RNGTT: variants seen among roughly 807,000 people sequenced by gnomAD.
The protein encoded by RNGTT is mRNA-capping enzyme.
Under a neutral mutation model 79.3 loss-of-function variants are expected in RNGTT, and 33 were observed. That is an observed-to-expected ratio of 0.42 (90% CI 0.32 to 0.56). The LOEUF (loss-of-function observed/expected upper bound fraction) is 0.56, where lower values mean the gene tolerates loss of function less well. RNGTT is among the 20% of genes least tolerant of loss of function. RNGTT has a pLI of 0.17. For missense variants in RNGTT, 497 were observed against 739.1 expected (o/e 0.67, Z 3.80); for synonymous variants, 222 against 235.9 (o/e 0.94, Z 0.54).
chr6:88,875,196 AT>A (rs769028082), intron 8 of RNGTT, among the ~76,000 whole-genome samples: 22 of 152,178 alleles, frequency 1.4e-4, no homozygotes, highest in South Asian at 6.2e-4. Context: ...TGAAAAAAAA[AT>A]AATAGAGTTT....
intron 12 of RNGTT, among the ~76,000 whole-genome samples, chr6:88,791,245 A>G (rs1779398563): frequency 6.6e-6 from 1 of 151,498 alleles, no homozygotes. Flanking sequence ...CCCAGGCTCA[A>G]GCAATCCTCC....
intron 13 of RNGTT, among the ~76,000 whole-genome samples, chr6:88,752,292 G>C (rs1337576354): frequency 6.6e-6 from 1 of 151,970 alleles, no homozygotes; most frequent in Non-Finnish European, 1.5e-5. Flanking sequence ...TTAATAATCA[G>C]AGCTATTTAA....
chr6:88,696,613 CA>C (rs1219171943), intron 13 of RNGTT, among the ~76,000 whole-genome samples: 1 of 151,874 alleles, frequency 6.6e-6, no homozygotes, highest in Non-Finnish European at 1.5e-5. Flanking sequence ...CACACACACA[CA>C]CACACACACA....
intron 13 of RNGTT, among the ~76,000 whole-genome samples, chr6:88,701,309 C>T (rs1258203899): frequency 6.6e-6 from 1 of 152,048 alleles, no homozygotes; most frequent in Non-Finnish European, 1.5e-5. Flanking sequence ...TCATCTAACT[C>T]TTTTTCTTTG....
chr6:88,620,830 A>G (rs142679497), intron 14 of RNGTT, among the ~76,000 whole-genome samples: 6 of 152,324 alleles, frequency 3.9e-5, no homozygotes, highest in Non-Finnish European at 8.8e-5. Context: ...CACAGTTTTA[A>G]TACAGAATTC....
At chr6:88,915,300 A>G (rs1783963138) in intron 4 of RNGTT, among the ~76,000 whole-genome samples, 1 of 152,212 alleles carries the variant, frequency 6.6e-6, no homozygotes, top group Non-Finnish European at 1.5e-5. Flanking sequence ...CATTCTACCA[A>G]AAAGATACCC....
intron 8 of RNGTT, 135 bp from the exon 9 acceptor site, chr6:88,853,899 G>A (rs981561634): frequency 1.5e-5 from 7 of 459,434 alleles, no homozygotes; most frequent in Non-Finnish European, 2.3e-5. Context: ...TTATCATGTA[G>A]ATTAAAGTAT....
chr6:88,925,797 C>T (rs536698357), intron 4 of RNGTT, among the ~76,000 whole-genome samples: 9 of 152,160 alleles, frequency 5.9e-5, no homozygotes, highest in African/African-American at 1.9e-4. Context: ...CAATTGAGGA[C>T]AGGAGTTCGA....
At chr6:88,946,198 C>T (rs576129202) in intron 1 of RNGTT, among the ~76,000 whole-genome samples, 95 of 152,276 alleles carry the variant, frequency 6.2e-4, no homozygotes, top group African/African-American at 2.3e-3. Context: ...GTAATTTCCA[C>T]AATAGTTCAA....
At chr6:88,826,202 G>T (rs1315121671) in intron 11 of RNGTT, among the ~76,000 whole-genome samples, 1 of 152,052 alleles carries the variant, frequency 6.6e-6, no homozygotes, top group Admixed American at 6.6e-5. Context: ...CATCTTATTT[G>T]GTAAACAAGG....
chr6:88,856,582 T>C (rs1198635065), intron 8 of RNGTT, among the ~76,000 whole-genome samples: 2 of 152,222 alleles, frequency 1.3e-5, no homozygotes, highest in African/African-American at 4.8e-5. Flanking sequence ...GGATAGCTTC[T>C]GCATCTGCAG....
intron 12 of RNGTT, among the ~76,000 whole-genome samples, chr6:88,771,693 C>G (rs1196029969): frequency 6.6e-6 from 1 of 151,914 alleles, no homozygotes; most frequent in African/African-American, 2.4e-5. Flanking sequence ...TAAATCTCTC[C>G]ATTTACTCAT....
chr6:88,892,671 T>C (rs1257322903), intron 6 of RNGTT, among the ~76,000 whole-genome samples: 2 of 152,030 alleles, frequency 1.3e-5, no homozygotes, highest in Non-Finnish European at 2.9e-5. Flanking sequence ...TCTAGATGTA[T>C]GCTACAGTTC....
At chr6:88,847,169 A>AT (rs879924820) in intron 10 of RNGTT, among the ~76,000 whole-genome samples, 3 of 151,854 alleles carry the variant, frequency 2.0e-5, no homozygotes, top group Non-Finnish European at 2.9e-5. Context: ...AAAATATTAA[A>AT]TTTTTTTTTA....
At chr6:88,946,645 T>TCTCCCTCTCCCTCTCTCTCC in intron 1 of RNGTT, among the ~76,000 whole-genome samples, 1 of 151,470 alleles carries the variant, frequency 6.6e-6, no homozygotes, top group Middle Eastern at 3.4e-3. Context: ...TCCCTCTCCC[T>TCTCCCTCTCCCTCTCTCTCC]CTCCCTCTCC....
At chr6:88,691,070 C>T (rs557322050) in intron 13 of RNGTT, among the ~76,000 whole-genome samples, 50 of 152,248 alleles carry the variant, frequency 3.3e-4, no homozygotes, top group Non-Finnish European at 4.9e-4. Context: ...TTTGTGTCCC[C>T]GCCCAAATCT....
chr6:88,720,421 C>A (rs1776668622), intron 13 of RNGTT, among the ~76,000 whole-genome samples: 1 of 152,054 alleles, frequency 6.6e-6, no homozygotes, highest in African/African-American at 2.4e-5. Context: ...CCACAATACA[C>A]ACATCAGACT....
chr6:88,831,302 T>C (rs780922442), intron 11 of RNGTT, among the ~76,000 whole-genome samples: 3 of 152,188 alleles, frequency 2.0e-5, no homozygotes, highest in Non-Finnish European at 4.4e-5. Flanking sequence ...AATCAATAAA[T>C]GTAATCCATC....
chr6:88,703,224 A>C (rs1776003830), intron 13 of RNGTT, among the ~76,000 whole-genome samples: 1 of 152,186 alleles, frequency 6.6e-6, no homozygotes, highest in South Asian at 2.1e-4. Context: ...AAAACAAATC[A>C]TTCTACCAAA....
Sources: allele counts gnomAD v4.1 joint callset (sites outside exome capture counted in the v4.1 genomes callset), GRCh38; gene constraint gnomAD v4.1.1; transcripts MANE v1.5; gene names NCBI Gene and HGNC (gene_info 2026-07-23, HGNC 2026-07-21).